The following VPS50 variants were observed in gnomAD, a reference collection of about 807,000 sequenced individuals.
VPS50 encodes syndetin.
A neutral mutation model predicts 139.7 loss-of-function variants in VPS50; 70 were observed. The ratio of observed to expected loss-of-function variants is 0.50; its 90% confidence interval spans 0.41 to 0.61. The LOEUF is 0.61. Ranked by LOEUF, VPS50 falls within the 20% of genes least tolerant of loss-of-function variation. VPS50 has a pLI of 0.00. For missense variants in VPS50, 921 were observed against 1,133.7 expected (o/e 0.81, Z 2.69); for synonymous variants, 365 against 376.7 (o/e 0.97, Z 0.36).
At chr7:93,239,729 T>A (rs763848933) in intron 1 of VPS50, 137 bp from the exon 2 acceptor site, 10 of 533,142 alleles carry the variant, frequency 1.9e-5, no homozygotes, top group Admixed American at 6.3e-5. Context: ...TGATTGCTTT[T>A]AGAATATATC....
intron 2 of VPS50, among the ~76,000 whole-genome samples, chr7:93,252,255 T>C (rs998173323): frequency 3.9e-5 from 6 of 152,162 alleles, no homozygotes; most frequent in East Asian, 1.9e-4. Context: ...CCAGAAGTTA[T>C]TGAGGTGTTC....
chr7:93,306,054 TCTA>T, intron 18 of VPS50, 50 bp downstream of exon 18: 2 of 1,373,226 alleles, frequency 1.5e-6, no homozygotes, highest in Non-Finnish European at 2.1e-6. Context: ...TTAAAACTGT[TCTA>T]CTCAATGAAC....
intron 12 of VPS50, among the ~76,000 whole-genome samples, chr7:93,282,495 C>T (rs1796359302): frequency 6.6e-6 from 1 of 152,162 alleles, no homozygotes; most frequent in Non-Finnish European, 1.5e-5. Context: ...GTTTGTCTTT[C>T]CTAAATTGCC....
chr7:93,248,048 C>G (rs567849450), intron 2 of VPS50, among the ~76,000 whole-genome samples: 8 of 151,968 alleles, frequency 5.3e-5, no homozygotes, highest in Admixed American at 1.3e-4. Context: ...TTTGGACTTT[C>G]AAGTTTTAGA....
chr7:93,320,190 G>C (rs1419259246), intron 20 of VPS50, among the ~76,000 whole-genome samples: 1 of 152,122 alleles, frequency 6.6e-6, no homozygotes, highest in Admixed American at 6.5e-5. Flanking sequence ...GGAACTTTGT[G>C]TGAAATATAG....
At chr7:93,317,433 C>T (rs572164141) in intron 20 of VPS50, among the ~76,000 whole-genome samples, 1 of 152,140 alleles carries the variant, frequency 6.6e-6, no homozygotes, top group African/African-American at 2.4e-5. Flanking sequence ...TCCTGTAATC[C>T]CAGCTACTTG....
At chr7:93,279,295 C>T (rs1796254941) in intron 12 of VPS50, among the ~76,000 whole-genome samples, 1 of 152,194 alleles carries the variant, frequency 6.6e-6, no homozygotes, top group East Asian at 1.9e-4. Flanking sequence ...GGAAGAAATT[C>T]TTTCTTTCTA....
At chr7:93,237,188 C>A (rs549765679) in intron 1 of VPS50, among the ~76,000 whole-genome samples, 1 of 150,862 alleles carries the variant, frequency 6.6e-6, no homozygotes, top group South Asian at 2.1e-4. Context: ...CATCTCCTGA[C>A]CTCGTGATCC....
intron 3 of VPS50, 140 bp from the exon 4 acceptor site, chr7:93,253,720 A>G: frequency 1.9e-6 from 1 of 532,210 alleles, no homozygotes; most frequent in Non-Finnish European, 3.4e-6. Context: ...GGTTGGGAGG[A>G]CAGGTGGCAT....
chr7:93,356,184 A>G, intron 27 of VPS50, 104 bp downstream of exon 27: 1 of 589,938 alleles, frequency 1.7e-6, no homozygotes, highest in Non-Finnish European at 2.8e-6. Flanking sequence ...AAATATAAAG[A>G]AACATTTGCT....
In VPS50 at chr7:93,341,465, A is replaced by G. The variant is rs776040536; in HGVS notation, c.2097A>G (p.Ala699=). The G allele has an allele frequency of 6.2e-7, 1 of 1,612,946 alleles. No individual in the cohort carries two copies. Residue 699 remains alanine, a synonymous_variant, in exon 23 of 28, where the codon GCA becomes GCG. Transcript: ENST00000305866. ...SADPTATLTA[A]EERKEKVPSP... is the part of the protein sequence containing the mutation. ...ATCCTACTGCCACACTCACAGCAGCAGAAGAAAGAAAGGAGAAGGTGCCAA... is the reference window on the plus strand; with the variant it reads ...ATCCTACTGCCACACTCACAGCAGCGGAAGAAAGAAAGGAGAAGGTGCCAA...
At chr7:93,318,742 CTT>C (rs1195073539) in intron 20 of VPS50, among the ~76,000 whole-genome samples, 2 of 152,100 alleles carry the variant, frequency 1.3e-5, no homozygotes, top group Non-Finnish European at 2.9e-5. Flanking sequence ...CATTTTCTCT[CTT>C]GTCATATCCA....
intron 2 of VPS50, among the ~76,000 whole-genome samples, chr7:93,244,669 C>T (rs1795097679): frequency 6.6e-6 from 1 of 151,688 alleles, no homozygotes; most frequent in African/African-American, 2.4e-5. Flanking sequence ...ATATTGGTGT[C>T]TGTATTAGAG....
At chr7:93,237,183 C>T (rs1239930485) in intron 1 of VPS50, among the ~76,000 whole-genome samples, 2 of 151,558 alleles carry the variant, frequency 1.3e-5, no homozygotes, top group Non-Finnish European at 2.9e-5. Flanking sequence ...GTCTCCATCT[C>T]CTGACCTCGT....
intron 10 of VPS50, among the ~76,000 whole-genome samples, chr7:93,271,556 T>C (rs1796011386): frequency 6.6e-6 from 1 of 151,794 alleles, no homozygotes; most frequent in Non-Finnish European, 1.5e-5. Flanking sequence ...AAATACTTTC[T>C]ATGTATTAAT....
chr7:93,239,498 C>T (rs1248255491), intron 1 of VPS50, among the ~76,000 whole-genome samples: 1 of 152,076 alleles, frequency 6.6e-6, no homozygotes, highest in Admixed American at 6.6e-5. Context: ...ATTGCTTGGA[C>T]TTTTTTCCTG....
intron 2 of VPS50, among the ~76,000 whole-genome samples, chr7:93,242,769 T>C (rs962652314): frequency 7.2e-5 from 11 of 151,922 alleles, no homozygotes; most frequent in Non-Finnish European, 1.6e-4. Flanking sequence ...AATTGAGAGA[T>C]TTCAGTGGCA....
At chr7:93,243,718 TTATAA>T (rs1795063898) in intron 2 of VPS50, among the ~76,000 whole-genome samples, 1 of 151,936 alleles carries the variant, frequency 6.6e-6, no homozygotes, top group Non-Finnish European at 1.5e-5. Flanking sequence ...CTAGTATTTG[TTATAA>T]TATATGATAG....
intron 23 of VPS50, among the ~76,000 whole-genome samples, chr7:93,342,707 C>G (rs912424527): frequency 1.3e-5 from 2 of 152,212 alleles, no homozygotes; most frequent in Non-Finnish European, 2.9e-5. Flanking sequence ...GGGAGGCACC[C>G]CCCAGCAGGG....
Sources: gnomAD v4.1 joint callset for allele counts (sites outside exome capture counted in the v4.1 genomes callset) on GRCh38, gnomAD v4.1.1 for gene constraint, MANE v1.5 for transcripts, NCBI Gene and HGNC (gene_info 2026-07-23, HGNC 2026-07-21) for gene names.